The following SLC16A2 variants were observed in gnomAD, a reference collection of about 807,000 sequenced individuals.
SLC16A2 encodes solute carrier family 16 member 2.
A neutral mutation model predicts 27.2 loss-of-function variants in SLC16A2; 3 were observed. The ratio of observed to expected loss-of-function variants is 0.11; its 90% CI spans 0.05 to 0.28. The LOEUF is 0.28. Among genes scored for constraint, SLC16A2 ranks in the 10% least tolerant of loss-of-function variants. The probability of loss-of-function intolerance (pLI) is 1.00; values close to 1 mark genes in which losing one functional copy is unlikely to be tolerated. For synonymous variants in SLC16A2, 202 were observed against 187.8 expected (o/e 1.08, Z -0.62); for missense variants, 295 against 458.5 (o/e 0.64, Z 3.26).
chrX:74,427,662 C>G (rs967681209), intron 1 of SLC16A2, among the ~76,000 whole-genome samples: 1 of 111,971 alleles, frequency 8.9e-6, no homozygotes, highest in South Asian at 3.7e-4. Flanking sequence ...GAAAACTACT[C>G]TTTTCAGATT....
chrX:74,468,368 A>G (rs913425139), intron 1 of SLC16A2, among the ~76,000 whole-genome samples: 1 of 111,984 alleles, frequency 8.9e-6, no homozygotes, highest in Non-Finnish European at 1.9e-5. Flanking sequence ...TATATAATAT[A>G]TGGTCTTTTG....
intron 1 of SLC16A2, among the ~76,000 whole-genome samples, chrX:74,516,121 A>T (rs1930313986): frequency 9.0e-6 from 1 of 111,006 alleles, no homozygotes; most frequent in African/African-American, 3.3e-5. Context: ...GCAGTGGCAC[A>T]ATCATGGCTC....
At chrX:74,473,048 A>G (rs963359051) in intron 1 of SLC16A2, 5 of 518,391 alleles carry the variant, frequency 9.6e-6, no homozygotes, top group Admixed American at 7.0e-5. Context: ...AGCTACTGCT[A>G]CTACTGGAAC....
chrX:74,426,893 A>G (rs767547298), intron 1 of SLC16A2, among the ~76,000 whole-genome samples: 1 of 112,193 alleles, frequency 8.9e-6, no homozygotes, highest in African/African-American at 3.2e-5. Context: ...TTTAAAGACT[A>G]TGGGGCTGCC....
chrX:74,447,701 G>A (rs1051450938), intron 1 of SLC16A2, among the ~76,000 whole-genome samples: 1 of 104,100 alleles, frequency 9.6e-6, no homozygotes, highest in African/African-American at 3.5e-5. Flanking sequence ...AAAAAAGGCC[G>A]AGCACAGTGG....
rs12849161 is a variant in SLC16A2, at chrX:74,524,656, A to T, written c.873A>T (p.Pro291=). ...TCCTGCCCAGCTCCCAGGACACCCC[A>T]AGCAAGAGAGGTGTCCGCACCCTGC... ...RPLLPSSQDT[P]SKRGVRTLHQ... is the part of the protein sequence containing the mutation. Residue 291 remains proline (P), a synonymous_variant, in exon 3 of 6, where the codon CCA becomes CCT. Coordinates refer to ENST00000587091, the MANE Select transcript of SLC16A2 (RefSeq NM_006517.5). 1.7e-3 allele frequency: 1,997 copies of T among 1,209,790 alleles called. 29 individuals carry two copies. The African/African-American group carries it at 0.031, about 19-fold the overall frequency.
chrX:74,525,812 T>A lies in SLC16A2; in HGVS notation c.1089T>A (p.Ile363=). 1 of 1,211,318 alleles carries A rather than the reference T, an allele frequency of 8.3e-7. No homozygotes were observed. The highest frequency in any genetic ancestry group is 1.8e-5 in the South Asian group (1 of 56,991). ...AGACCTGGGTGCTCTTGGTGTGTAT[T>A]GGGGCTACCTCAGGCCTTGGGCGTC... ...IKETWVLLVC[I]GATSGLGRLV... Residue 363 remains isoleucine (I), a synonymous_variant, in exon 4 of 6, where the codon ATT becomes ATA. Transcript: ENST00000587091.
intron 1 of SLC16A2, among the ~76,000 whole-genome samples, chrX:74,442,307 C>T (rs1403192410): frequency 9.2e-6 from 1 of 109,276 alleles, no homozygotes; most frequent in Non-Finnish European, 1.9e-5. Context: ...GTCTCATTAG[C>T]GTTGGCCGAG....
At chrX:74,470,289 G>GT (rs1602119567) in intron 1 of SLC16A2, among the ~76,000 whole-genome samples, 2 of 112,285 alleles carry the variant, frequency 1.8e-5, no homozygotes, top group South Asian at 3.7e-4. Context: ...AATGTGCAGG[G>GT]TTTTTTTGTG....
At chrX:74,499,638 G>A (rs1352514399) in intron 1 of SLC16A2, among the ~76,000 whole-genome samples, 17 of 110,171 alleles carry the variant, frequency 1.5e-4, no homozygotes, top group Admixed American at 1.5e-3. Context: ...ACTTTTAGTA[G>A]AGATGGGGTT....
At chrX:74,493,085 C>G (rs1929861447) in intron 1 of SLC16A2, among the ~76,000 whole-genome samples, 1 of 111,915 alleles carries the variant, frequency 8.9e-6, no homozygotes, top group Non-Finnish European at 1.9e-5. Flanking sequence ...GCCTGGAGCC[C>G]CTCTGAATCC....
chrX:74,450,514 G>A (rs1438405181), intron 1 of SLC16A2, among the ~76,000 whole-genome samples: 1 of 111,200 alleles, frequency 9.0e-6, no homozygotes, highest in African/African-American at 3.3e-5. Context: ...ACCACTTGCC[G>A]CCACCACCCC....
At position 74,529,272 on chromosome X, in the gene SLC16A2, C is replaced by T. The variant is rs776772853; in HGVS notation, c.1230C>T (p.Phe410=). The change falls in exon 5 of 6, where the codon TTC becomes TTT. Residue 410 remains phenylalanine, a synonymous_variant. Coordinates refer to ENST00000587091, the MANE Select transcript of SLC16A2 (RefSeq NM_006517.5). Reference sequence around the variant, plus strand: ...TGATGATTCCCCTGTGCCGGGACTTCGGGGGCCTTATCGTCGTCTGTCTTT... The same window carrying T: ...TGATGATTCCCCTGTGCCGGGACTTTGGGGGCCTTATCGTCGTCTGTCTTT... The part of the protein sequence containing the change: ...MSMMIPLCRD[F]GGLIVVCLFL... 39 of 1,210,475 alleles carry T rather than the reference C, an allele frequency of 3.2e-5. No homozygotes were observed. The highest frequency in any genetic ancestry group is 3.8e-5 in the Non-Finnish European group (34 of 895,210).
At chrX:74,450,046 G>A (rs1160705301) in intron 1 of SLC16A2, among the ~76,000 whole-genome samples, 2 of 111,832 alleles carry the variant, frequency 1.8e-5, no homozygotes, top group African/African-American at 3.3e-5. Flanking sequence ...TTTTAGCATC[G>A]CTCAAAGCCA....
intron 1 of SLC16A2, among the ~76,000 whole-genome samples, chrX:74,426,832 T>G (rs764008287): frequency 3.9e-4 from 44 of 112,574 alleles, no homozygotes; most frequent in Non-Finnish European, 6.8e-4. Flanking sequence ...GGGAGAAGAT[T>G]GGGAAAGCAA....
chrX:74,477,315 C>T (rs1255351811), intron 1 of SLC16A2, among the ~76,000 whole-genome samples: 4 of 111,544 alleles, frequency 3.6e-5, no homozygotes, highest in South Asian at 3.7e-4. Flanking sequence ...TCTGTGGGAT[C>T]GGTGGTGATA....
chrX:74,488,927 C>T (rs1473642389), intron 1 of SLC16A2, among the ~76,000 whole-genome samples: 1 of 111,631 alleles, frequency 9.0e-6, no homozygotes, highest in Non-Finnish European at 1.9e-5. Flanking sequence ...TTAATAAGAA[C>T]ACTTTAAAAA....
At chrX:74,447,634 CA>C (rs981298648) in intron 1 of SLC16A2, among the ~76,000 whole-genome samples, 3 of 109,257 alleles carry the variant, frequency 2.7e-5, no homozygotes, top group African/African-American at 1.0e-4. Flanking sequence ...ATGAACTCAC[CA>C]CTGCACTCCA....
chrX:74,424,365 A>T (rs1928365767), intron 1 of SLC16A2, among the ~76,000 whole-genome samples: 1 of 111,156 alleles, frequency 9.0e-6, no homozygotes, highest in South Asian at 3.8e-4. Context: ...AAAAGTCAGG[A>T]ACACCCTATC....
Sources: gnomAD v4.1 joint callset for allele counts (sites outside exome capture counted in the v4.1 genomes callset) on GRCh38, gnomAD v4.1.1 for gene constraint, MANE v1.5 for transcripts, NCBI Gene and HGNC (gene_info 2026-07-23, HGNC 2026-07-21) for gene names.